The following NAALADL2 variants were observed in gnomAD, a reference collection of about 807,000 sequenced individuals.
NAALADL2 encodes inactive N-acetylated-alpha-linked acidic dipeptidase-like protein 2.
A neutral mutation model predicts 87.2 loss-of-function variants in NAALADL2; 76 were observed. That is an observed-to-expected ratio of 0.87 (90% CI 0.72 to 1.05). The LOEUF (loss-of-function observed/expected upper bound fraction) is 1.05. Among genes scored for constraint, NAALADL2 ranks in the 50% least tolerant of loss-of-function variants. NAALADL2 has a pLI of 0.00. For synonymous variants in NAALADL2, 354 were observed against 331.0 expected (o/e 1.07, Z -0.75); for missense variants, 1,089 against 945.8 (o/e 1.15, Z -1.99).
chr3:174,767,223 A>G (rs776818166), intron 3 of NAALADL2, among the ~76,000 whole-genome samples: 5 of 152,206 alleles, frequency 3.3e-5, no homozygotes, highest in Non-Finnish European at 7.4e-5. Context: ...AATGAAGCAC[A>G]GAGTCGATTT....
intron 3 of NAALADL2, among the ~76,000 whole-genome samples, chr3:174,783,500 G>A (rs1716242804): frequency 6.6e-6 from 1 of 152,132 alleles, no homozygotes; most frequent in Non-Finnish European, 1.5e-5. Flanking sequence ...ACTAGAATTA[G>A]AGTCCTTTGT....
chr3:175,038,111 A>C (rs929018685), intron 1 of NAALADL2, among the ~76,000 whole-genome samples: 1 of 152,126 alleles, frequency 6.6e-6, no homozygotes, highest in Non-Finnish European at 1.5e-5. Flanking sequence ...TTTTTTTCTT[A>C]GAGTAAAAGC....
chr3:175,084,096 G>GT (rs773880089), intron 1 of NAALADL2, among the ~76,000 whole-genome samples: 1 of 152,134 alleles, frequency 6.6e-6, no homozygotes, highest in Non-Finnish European at 1.5e-5. Flanking sequence ...TTTTATGTTG[G>GT]TGCAGAATAG....
At chr3:174,910,609 A>G (rs1319584190) in intron 1 of NAALADL2, among the ~76,000 whole-genome samples, 3 of 152,074 alleles carry the variant, frequency 2.0e-5, no homozygotes, top group South Asian at 2.1e-4. Flanking sequence ...GTTAATATCC[A>G]GTCCTGCAGT....
At chr3:174,856,832 T>G (rs192060886), upstream of NAALADL2, among the ~76,000 whole-genome samples, 5 of 152,280 alleles carry the variant, frequency 3.3e-5, no homozygotes, top group Admixed American at 3.3e-4. Flanking sequence ...CTGTCACACC[T>G]CAGACTGCAA....
rs1404610812 is a variant in NAALADL2 at position 175,097,276 on chromosome 3, T to C, written c.530T>C (p.Ile177Thr). The C allele has an allele frequency of 1.9e-6, 3 of 1,607,576 alleles. No homozygotes were observed. Among genetic ancestry groups the C allele is most frequent in the African/African-American group, 1.3e-5 (1 of 74,624 alleles). Reference protein sequence around the residue: ...EILKTIQAEDIKKSFRNLVQL... With the variant: ...EILKTIQAEDTKKSFRNLVQL... ...CTCAAGACAATCCAGGCAGAAGATA[T>C]TAAGAAGTCTTTCAGGTAGGTGAAG... Residue 177 changes from isoleucine to threonine, a missense_variant, in exon 2 of 14, where the codon ATT (isoleucine) becomes ACT (threonine). Ile to Thr is a moderately conservative substitution (Grantham distance 89). Transcript: ENST00000454872.
rs935043615 is a variant in NAALADL2, at chr3:175,523,197, T to G, written c.1653+51439T>G. Among the ~76,000 whole-genome samples the G allele has an allele frequency of 2.6e-5, 4 of 152,198 alleles. No homozygotes were observed. The East Asian group carries it at 7.7e-4, about 29-fold the overall frequency. Reference sequence around the variant, plus strand: ...TGCCGCCTGGAAACATTTGGCGATTTTATTTAGTTGTAATAACTGGAGAGT... The same window carrying G: ...TGCCGCCTGGAAACATTTGGCGATTGTATTTAGTTGTAATAACTGGAGAGT... On this transcript the variant is annotated intron_variant, in intron 9 of 13. Coordinates refer to ENST00000454872, the MANE Select transcript of NAALADL2 (RefSeq NM_207015.3).
chr3:175,574,195 A>C (rs917522892), intron 9 of NAALADL2, among the ~76,000 whole-genome samples: 3 of 152,212 alleles, frequency 2.0e-5, no homozygotes, highest in Admixed American at 2.0e-4. Context: ...AGCAAAAGAC[A>C]TGGTGATCTG....
At chr3:174,899,130 A>G (rs758146772) in intron 1 of NAALADL2, among the ~76,000 whole-genome samples, 3 of 152,248 alleles carry the variant, frequency 2.0e-5, no homozygotes, top group Non-Finnish European at 4.4e-5. Context: ...CATTAAAACT[A>G]CAAAGACATT....
chr3:175,478,852 G>A (rs1726071023), intron 9 of NAALADL2, among the ~76,000 whole-genome samples: 1 of 151,736 alleles, frequency 6.6e-6, no homozygotes, highest in African/African-American at 2.4e-5. Flanking sequence ...TTTAAAATAT[G>A]AAATTTACTC....
At chr3:175,285,784 G>A (rs1325953086) in intron 4 of NAALADL2, among the ~76,000 whole-genome samples, 1 of 151,882 alleles carries the variant, frequency 6.6e-6, no homozygotes, top group South Asian at 2.1e-4. Context: ...GCATTAACAT[G>A]TTATTATGTG....
intron 2 of NAALADL2, among the ~76,000 whole-genome samples, chr3:174,551,594 C>A (rs1712134974): frequency 6.6e-6 from 1 of 152,136 alleles, no homozygotes; most frequent in Admixed American, 6.5e-5. Flanking sequence ...TAAGAGAGCA[C>A]ATGCTACTGC....
chr3:175,488,591 C>G (rs188889052), intron 9 of NAALADL2, among the ~76,000 whole-genome samples: 3 of 152,294 alleles, frequency 2.0e-5, no homozygotes, highest in Admixed American at 2.0e-4. Context: ...GTTTTCCCCC[C>G]TCACATGTTC....
intron 13 of NAALADL2, among the ~76,000 whole-genome samples, chr3:175,787,576 A>G (rs971957461): frequency 3.3e-4 from 51 of 152,248 alleles, no homozygotes; most frequent in African/African-American, 1.1e-3. Context: ...CGGCTCGCGC[A>G]CGGTGCGCGC....
intron 5 of NAALADL2, among the ~76,000 whole-genome samples, chr3:175,405,575 TTAA>T (rs1224529951): frequency 1.3e-5 from 2 of 152,210 alleles, no homozygotes; most frequent in African/African-American, 2.4e-5. Context: ...ATTAAATGTG[TTAA>T]TATTTTCTTT....
chr3:174,826,053 G>GACAACA (rs890058578), intron 3 of NAALADL2, among the ~76,000 whole-genome samples: 5 of 112,748 alleles, frequency 4.4e-5, no homozygotes, highest in East Asian at 5.9e-4. Flanking sequence ...CAACAACAAC[G>GACAACA]ACAACAACAA....
At chr3:174,963,959 A>G (rs961767409) in intron 1 of NAALADL2, among the ~76,000 whole-genome samples, 9 of 152,130 alleles carry the variant, frequency 5.9e-5, no homozygotes, top group Admixed American at 1.3e-4. Flanking sequence ...CAAAATTATC[A>G]TAAGGAATCT....
intron 3 of NAALADL2, among the ~76,000 whole-genome samples, chr3:174,849,987 C>T (rs1253729947): frequency 1.3e-5 from 2 of 151,998 alleles, no homozygotes; most frequent in Non-Finnish European, 2.9e-5. Context: ...TTACCTTTAC[C>T]AGTGAGTTTT....
intron 2 of NAALADL2, among the ~76,000 whole-genome samples, chr3:175,116,201 C>T (rs1725130345): frequency 1.3e-5 from 2 of 151,994 alleles, no homozygotes; most frequent in South Asian, 4.1e-4. Context: ...CTCACCACTC[C>T]TATTCAACAT....
Sources: allele counts gnomAD v4.1 joint callset (sites outside exome capture counted in the v4.1 genomes callset), GRCh38; gene constraint gnomAD v4.1.1; transcripts MANE v1.5; gene names NCBI Gene and HGNC (gene_info 2026-07-23, HGNC 2026-07-21).